NTM: variants seen among roughly 807,000 people sequenced by gnomAD.
NTM encodes neurotrimin, also known as IgLON family member 2.
A neutral mutation model predicts 42.1 loss-of-function variants in NTM; 13 were observed. That is an observed-to-expected ratio of 0.31 (90% CI 0.20 to 0.49). The LOEUF is 0.49. Among genes scored for constraint, NTM ranks in the 20% least tolerant of loss-of-function variants. NTM has a pLI of 0.99. For missense variants in NTM, 373 were observed against 452.8 expected (o/e 0.82, Z 1.60); for synonymous variants, 187 against 179.2 (o/e 1.04, Z -0.35).
rs1321406937 is a variant in NTM at position 131,660,886 on chromosome 11, G to A, written c.83-250678G>A. 5 of 1,271,178 alleles carry A rather than the reference G, an allele frequency of 3.9e-6. No homozygotes were observed. In the Admixed American group the frequency reaches 7.8e-5, roughly 20 times the overall value. 78.7% of individuals were successfully genotyped at this position (1,271,178 alleles called of 1,614,324 possible). A position where few individuals can be genotyped will look rare whatever the true frequency, so the allele number is the denominator to read the frequency against. On this transcript the variant is annotated intron_variant, in intron 1 of 8. Coordinates refer to ENST00000683400, the MANE Select transcript of NTM (RefSeq NM_001352005.2). ...CTGGCCTTGATTTCAAAGAACTTGT[G>A]TGTAATGTGATGCATGGCTTTCTCT...
chr11:132,192,802 A>G (rs1300671187), intron 3 of NTM, among the ~76,000 whole-genome samples: 1 of 152,192 alleles, frequency 6.6e-6, no homozygotes, highest in East Asian at 1.9e-4. Flanking sequence ...AAAGGGATAG[A>G]GAAAGATGTA....
intron 1 of NTM, among the ~76,000 whole-genome samples, chr11:131,776,206 G>A (rs1289854796): frequency 6.6e-6 from 1 of 152,174 alleles, no homozygotes; most frequent in Non-Finnish European, 1.5e-5. Context: ...GACATTTGTG[G>A]CTCAAAGGCT....
chr11:131,467,454 A>G (rs1027085651), intron 1 of NTM, among the ~76,000 whole-genome samples: 4 of 152,224 alleles, frequency 2.6e-5, no homozygotes, highest in African/African-American at 7.2e-5. Flanking sequence ...AAACTAAAAA[A>G]TTCAACTGCA....
At chr11:131,764,316 G>T (rs1315497964) in intron 1 of NTM, among the ~76,000 whole-genome samples, 1 of 152,220 alleles carries the variant, frequency 6.6e-6, no homozygotes, top group East Asian at 1.9e-4. Flanking sequence ...AGATGGAACC[G>T]GTCTCTTTTG....
chr11:132,097,735 C>A (rs879374704), intron 2 of NTM, among the ~76,000 whole-genome samples: 4 of 152,184 alleles, frequency 2.6e-5, no homozygotes, highest in Non-Finnish European at 4.4e-5. Context: ...TCGTGAACTT[C>A]TGATGAAAGG....
intron 2 of NTM, among the ~76,000 whole-genome samples, chr11:131,958,751 A>G (rs1169387048): frequency 6.6e-6 from 1 of 152,176 alleles, no homozygotes; most frequent in Non-Finnish European, 1.5e-5. Context: ...AGCAGTTCCC[A>G]TCACTTACCT....
At chr11:131,774,058 TCTGTTGTTCCA>T in intron 1 of NTM, 1 of 984,418 alleles carries the variant, frequency 1.0e-6, no homozygotes, top group Non-Finnish European at 1.2e-6. Context: ...TTTGCCTTCC[TCTGTTGTTCCA>T]ATGTTGTTCC....
intron 3 of NTM, among the ~76,000 whole-genome samples, chr11:132,174,915 A>G (rs780350433): frequency 3.3e-5 from 5 of 151,998 alleles, no homozygotes; most frequent in Non-Finnish European, 4.4e-5. Flanking sequence ...AATTCATCAT[A>G]ATCACATGCT....
At chr11:132,001,037 T>A in intron 2 of NTM, among the ~76,000 whole-genome samples, 1 of 151,888 alleles carries the variant, frequency 6.6e-6, no homozygotes, top group African/African-American at 2.4e-5. Context: ...GAAGAATAGG[T>A]GGGAAAGGTC....
At chr11:131,726,383 T>C (rs1022159085) in intron 1 of NTM, among the ~76,000 whole-genome samples, 1 of 144,952 alleles carries the variant, frequency 6.9e-6, no homozygotes, top group Non-Finnish European at 1.5e-5. Flanking sequence ...GCTTCCTCTG[T>C]CTCCTGGCCC....
chr11:132,155,180 G>T (rs1467704804), intron 3 of NTM, among the ~76,000 whole-genome samples: 2 of 152,066 alleles, frequency 1.3e-5, no homozygotes, highest in Non-Finnish European at 2.9e-5. Flanking sequence ...AGAGTTTTGG[G>T]TTACAGTCTG....
chr11:131,795,143 C>T, intron 1 of NTM: 1 of 425,286 alleles, frequency 2.4e-6, no homozygotes, highest in Non-Finnish European at 3.1e-6. Context: ...AAGTATGCAT[C>T]TCAATCGCTG....
intron 4 of NTM, among the ~76,000 whole-genome samples, chr11:132,295,459 T>C (rs1483151434): frequency 1.3e-5 from 2 of 152,062 alleles, no homozygotes; most frequent in African/African-American, 4.8e-5. Context: ...GGTAAACATA[T>C]ATAAATAAAT....
At chr11:131,900,795 C>G (rs2053041659) in intron 1 of NTM, among the ~76,000 whole-genome samples, 1 of 152,170 alleles carries the variant, frequency 6.6e-6, no homozygotes, top group Admixed American at 6.5e-5. Flanking sequence ...GTGATAACTA[C>G]TATAAGCAAT....
At chr11:131,428,267 T>A (rs1948346081) in intron 1 of NTM, among the ~76,000 whole-genome samples, 2 of 152,186 alleles carry the variant, frequency 1.3e-5, no homozygotes, top group African/African-American at 2.4e-5. Flanking sequence ...CCCACCTCCT[T>A]ATTCAGTGTA....
rs965407270 is a variant in NTM, at chr11:132,335,068, G to A, written c.990G>A (p.Val330=). The change falls in exon 9 of 9, where the codon GTG becomes GTA. Residue 330 remains valine (V), a synonymous_variant. Coordinates refer to ENST00000683400, the MANE Select transcript of NTM (RefSeq NM_001352005.2). ...CAGGTCCAGGCGCCGTCAGCGAGGT[G>A]AGCAACGGCACGTCGAGGAGGGCAG... ...PWKGPGAVSE[V]SNGTSRRAGC... 11 of 1,612,522 alleles carry A rather than the reference G, an allele frequency of 6.8e-6. No homozygotes were observed. The highest frequency in any genetic ancestry group is 5.0e-5 in the Admixed American group (3 of 60,006).
chr11:131,647,003 T>TGCAC (rs1565371244), intron 1 of NTM, among the ~76,000 whole-genome samples: 1 of 152,246 alleles, frequency 6.6e-6, no homozygotes, highest in African/African-American at 2.4e-5. Context: ...ATTAAAATAA[T>TGCAC]GCACTGCCTT....
chr11:132,293,345 T>C (rs2094512338), intron 4 of NTM, among the ~76,000 whole-genome samples: 1 of 152,150 alleles, frequency 6.6e-6, no homozygotes, highest in African/African-American at 2.4e-5. Context: ...AAAAATTGGG[T>C]AGCCCCCACT....
At position 132,166,778 on chromosome 11, in the gene NTM, C is replaced by A. The variant is rs111504434; in HGVS notation, c.400+20264C>A. On this transcript the variant is annotated intron_variant, in intron 3 of 8. Transcript: ENST00000683400. ...TCTGGCACATGTCATAAGATTCCACCTCTCAGGAATACACCTGAATGTGGC... is the reference window on the plus strand; with the variant it reads ...TCTGGCACATGTCATAAGATTCCACATCTCAGGAATACACCTGAATGTGGC... Among the ~76,000 whole-genome samples, 480 of 152,302 alleles carry A rather than the reference C, an allele frequency of 3.2e-3. 2 individuals carry two copies. The highest frequency in any genetic ancestry group is 5.9e-3 in the Non-Finnish European group (400 of 68,032).
Sources: gnomAD v4.1 joint callset for allele counts (sites outside exome capture counted in the v4.1 genomes callset) on GRCh38, gnomAD v4.1.1 for gene constraint, MANE v1.5 for transcripts, NCBI Gene and HGNC (gene_info 2026-07-23, HGNC 2026-07-21) for gene names.